TMIGD3: variants seen among roughly 807,000 people sequenced by gnomAD.
TMIGD3 encodes transmembrane and immunoglobulin domain containing 3.
TMIGD3 carries 21 observed loss-of-function variants against 28.1 expected under a neutral mutation model. The observed-to-expected ratio is 0.75, with a 90% CI of 0.53 to 1.08. The LOEUF (loss-of-function observed/expected upper bound fraction) is 1.08. Among genes scored for constraint, TMIGD3 ranks in the 50% least tolerant of loss-of-function variants. The pLI, the probability that TMIGD3 is intolerant of heterozygous loss-of-function variation, is 0.00. For missense variants in TMIGD3, 416 were observed against 435.6 expected, an observed-to-expected ratio of 0.96 and a Z score of 0.40; for synonymous variants, 151 against 162.1, an observed-to-expected ratio of 0.93 and a Z score of 0.52.
At chr1:111,505,259 A>T (rs1036741059), upstream of TMIGD3, among the ~76,000 whole-genome samples, 1 of 152,054 alleles carries the variant, frequency 6.6e-6, no homozygotes, top group Non-Finnish European at 1.5e-5. Flanking sequence ...AGTCCATCTC[A>T]GCTGGGTCAG....
intron 1 of TMIGD3, 81 bp from the exon 2 acceptor site, chr1:111,490,843 A>G (rs977214675): frequency 1.0e-6 from 1 of 966,988 alleles, no homozygotes; most frequent in Non-Finnish European, 1.6e-6. Context: ...GGAAACAACC[A>G]GTTAGTCCAA....
chr1:111,543,990 A>T (rs1557843368), intron 1 of TMIGD3, among the ~76,000 whole-genome samples: 1 of 152,200 alleles, frequency 6.6e-6, no homozygotes, highest in Non-Finnish European at 1.5e-5. Context: ...TTTTATTTCT[A>T]ACCCTGAAGT....
At chr1:111,562,596 A>T (rs1446432766) in intron 1 of TMIGD3, among the ~76,000 whole-genome samples, 1 of 152,234 alleles carries the variant, frequency 6.6e-6, no homozygotes, top group African/African-American at 2.4e-5. Flanking sequence ...TGTCCCATAA[A>T]CATCCCACCA....
At chr1:111,495,561 A>T (rs1190493428) in intron 1 of TMIGD3, among the ~76,000 whole-genome samples, 4 of 152,250 alleles carry the variant, frequency 2.6e-5, no homozygotes, top group Non-Finnish European at 4.4e-5. Flanking sequence ...CCAATTACTA[A>T]ATAAAATTAG....
chr1:111,546,522 C>G (rs1657039007), intron 1 of TMIGD3, among the ~76,000 whole-genome samples: 1 of 152,118 alleles, frequency 6.6e-6, no homozygotes, highest in African/African-American at 2.4e-5. Flanking sequence ...TCACATAATA[C>G]TTGTCCTTTT....
At chr1:111,521,751 A>T (rs1460166132) in intron 1 of TMIGD3, among the ~76,000 whole-genome samples, 1 of 152,210 alleles carries the variant, frequency 6.6e-6, no homozygotes, top group Non-Finnish European at 1.5e-5. Context: ...TGCCTTATGA[A>T]GGACAAAAGA....
chr1:111,506,827 G>A (rs944331717), upstream of TMIGD3, among the ~76,000 whole-genome samples: 4 of 151,226 alleles, frequency 2.6e-5, no homozygotes, highest in East Asian at 1.9e-4. Context: ...GGGGCCCCAA[G>A]GTGAGCTCTG....
chr1:111,547,792 A>G (rs866803248), intron 1 of TMIGD3, among the ~76,000 whole-genome samples: 1 of 152,176 alleles, frequency 6.6e-6, no homozygotes, highest in Non-Finnish European at 1.5e-5. Flanking sequence ...AAGCAGGAGC[A>G]TTGTCATGGT....
chr1:111,562,852 G>C (rs1200391888), intron 1 of TMIGD3, among the ~76,000 whole-genome samples: 1 of 152,174 alleles, frequency 6.6e-6, no homozygotes, highest in Non-Finnish European at 1.5e-5. Flanking sequence ...AATCAATCAA[G>C]TACTTTAGAA....
At chr1:111,534,454 T>C (rs952021298) in intron 1 of TMIGD3, among the ~76,000 whole-genome samples, 1 of 152,216 alleles carries the variant, frequency 6.6e-6, no homozygotes, top group Non-Finnish European at 1.5e-5. Flanking sequence ...AGGACAGGAC[T>C]GGTTTGCTGC....
chr1:111,484,558 G>C (rs565436086), intron 5 of TMIGD3, among the ~76,000 whole-genome samples: 1 of 152,324 alleles, frequency 6.6e-6, no homozygotes, highest in Admixed American at 6.5e-5. Flanking sequence ...GGCTGCTAGA[G>C]GACAAAAGGT....
At chr1:111,488,218 G>C (rs1027688505) in intron 3 of TMIGD3, among the ~76,000 whole-genome samples, 1 of 151,502 alleles carries the variant, frequency 6.6e-6, no homozygotes, top group Non-Finnish European at 1.5e-5. Context: ...GACCGACAAG[G>C]CACACAGACT....
At chr1:111,501,121 T>C (rs1655151325) in intron 1 of TMIGD3, 1 of 154,988 alleles carries the variant, frequency 6.5e-6, no homozygotes, top group African/African-American at 2.4e-5. Flanking sequence ...CCTGCTGTTC[T>C]TGGCACTGTT....
chr1:111,488,957 G>A lies in TMIGD3; in HGVS notation c.525C>T (p.Asn175=). 6.2e-7 allele frequency: 1 copy of A among 1,614,198 alleles called. No homozygotes were observed. Among genetic ancestry groups the A allele is most frequent in the Non-Finnish European group, 8.5e-7 (1 of 1,180,030 alleles). ...GGTGATTCTTGTAGTGGGCATTGTA[G>A]TTGCAGATGGCAGAAGCCGTGTCCA... ...FVLDTASAIC[N]YNAHYKNHPK... Residue 175 remains asparagine (N), a synonymous_variant, in exon 3 of 6, where the codon AAC becomes AAT. Transcript: ENST00000369716.
At chr1:111,518,801 T>C (rs77914233) in intron 1 of TMIGD3, among the ~76,000 whole-genome samples, 3,809 of 152,326 alleles carry the variant, frequency 0.025, 72 homozygotes, top group Non-Finnish European at 0.036. Context: ...CCAATATGGT[T>C]CAAATTCTGA....
At chr1:111,514,424 T>G (rs182985366) in intron 1 of TMIGD3, among the ~76,000 whole-genome samples, 2 of 151,984 alleles carry the variant, frequency 1.3e-5, no homozygotes, top group Non-Finnish European at 2.9e-5. Context: ...GTGTAAAAAA[T>G]TATAGACCTG....
chr1:111,561,402 G>A (rs752928645), intron 1 of TMIGD3, among the ~76,000 whole-genome samples: 10 of 152,206 alleles, frequency 6.6e-5, no homozygotes, highest in African/African-American at 1.9e-4. Flanking sequence ...GATTACAGGC[G>A]TGAGCCACCG....
intron 1 of TMIGD3, among the ~76,000 whole-genome samples, chr1:111,555,302 G>A (rs965726531): frequency 1.1e-4 from 15 of 135,348 alleles, no homozygotes; most frequent in African/African-American, 3.3e-4. Flanking sequence ...GGAGGCTGAG[G>A]TTGCAGTGAG....
At chr1:111,485,256 G>A (rs1337712018) in intron 5 of TMIGD3, 1 of 152,772 alleles carries the variant, frequency 6.5e-6, no homozygotes, top group Non-Finnish European at 1.5e-5. Context: ...AGCTACTTGA[G>A]AGGCTGAGGT....
Sources: allele counts gnomAD v4.1 joint callset (sites outside exome capture counted in the v4.1 genomes callset), GRCh38; gene constraint gnomAD v4.1.1; transcripts MANE v1.5; gene names NCBI Gene and HGNC (gene_info 2026-07-23, HGNC 2026-07-21).